Variants in ORC5 observed in about 807,000 individuals in gnomAD.
The protein encoded by ORC5 is origin recognition complex subunit 5.
Under a neutral mutation model 58.8 loss-of-function variants are expected in ORC5, and 39 were observed. The ratio of observed to expected loss-of-function variants is 0.66; its 90% confidence interval spans 0.51 to 0.87. The LOEUF is 0.87. Among genes scored for constraint, ORC5 ranks in the 40% least tolerant of loss-of-function variants. ORC5 has a pLI of 0.00. For synonymous variants in ORC5, 218 were observed against 177.6 expected, an observed-to-expected ratio of 1.23 and a Z score of -1.81; for missense variants, 493 against 506.3, an observed-to-expected ratio of 0.97 and a Z score of 0.25.
intron 12 of ORC5, among the ~76,000 whole-genome samples, chr7:104,145,108 A>G (rs541815896): frequency 6.6e-6 from 1 of 152,326 alleles, no homozygotes; most frequent in South Asian, 2.1e-4. Context: ...ATTGCTGAAA[A>G]CCAAGATAAG....
At chr7:104,169,443 T>C (rs1348097063) in intron 8 of ORC5, among the ~76,000 whole-genome samples, 1 of 152,082 alleles carries the variant, frequency 6.6e-6, no homozygotes, top group East Asian at 1.9e-4. Flanking sequence ...CAACACACTA[T>C]AGTATAATGA....
intron 8 of ORC5, among the ~76,000 whole-genome samples, chr7:104,178,621 A>G (rs951161863): frequency 1.3e-5 from 2 of 152,092 alleles, no homozygotes; most frequent in African/African-American, 2.4e-5. Flanking sequence ...TGTTTTATTC[A>G]TGAAGTCTGT....
Position 104,161,890 on chromosome 7 carries a change from T to C in ORC5, c.1039-708A>G, listed in dbSNP as rs754786630. 3.8e-4 allele frequency among the ~76,000 whole-genome samples: 58 copies of C among 152,240 alleles called. 2 individuals are homozygous for C. The highest frequency in any genetic ancestry group is 1.3e-4 in the Admixed American group (2 of 15,286). On this transcript the variant is annotated intron_variant, in intron 11 of 13. Coordinates refer to ENST00000297431, the MANE Select transcript of ORC5 (RefSeq NM_002553.4). ...AAGTTGTAGACTAGAGCTTACTACT[T>C]ATTTCTCACAATTCCTCTTTGTACC... is the stretch of plus-strand genomic sequence containing the variant.
At chr7:104,128,200 G>A (rs890401230) in intron 13 of ORC5, among the ~76,000 whole-genome samples, 4 of 152,122 alleles carry the variant, frequency 2.6e-5, no homozygotes, top group Non-Finnish European at 5.9e-5. Context: ...TCGGCTCACT[G>A]CAACCTCCAC....
intron 9 of ORC5, 80 bp from the exon 10 acceptor site, chr7:104,166,964 T>C (rs1799117682): frequency 1.3e-6 from 1 of 771,574 alleles, no homozygotes; most frequent in African/African-American, 1.7e-5. Flanking sequence ...TGACTTTTCA[T>C]TTCCATATGG....
chr7:104,136,970 C>CTAT lies in ORC5; in HGVS notation c.1150-78_1150-77insATA. 1.0e-6 allele frequency: 1 copy of CTAT among 996,262 alleles called. No homozygotes were observed. The highest frequency in any genetic ancestry group is 1.6e-6 in the Non-Finnish European group (1 of 636,432). The allele number at this position is 996,262 out of a possible 1,614,324, so 61.7% of individuals were successfully genotyped here. A position where few individuals can be genotyped will look rare whatever the true frequency, so the allele number is the denominator to read the frequency against. On this transcript the variant is annotated intron_variant, in intron 12 of 13. Coordinates refer to ENST00000297431, the MANE Select transcript of ORC5 (RefSeq NM_002553.4). This position sits in a 1 kb window ranked among gnomAD's most constrained non-coding sequence, Gnocchi z 4.2. Reference sequence around the variant, plus strand: ...TTTTGTTTCTGAAACATCTTATAGTCTGATAAAGATACATAACTGAATCAC... The same window carrying CTAT: ...TTTTGTTTCTGAAACATCTTATAGTCTATTGATAAAGATACATAACTGAATCAC...
chr7:104,178,529 T>TA (rs1366483816), intron 8 of ORC5, among the ~76,000 whole-genome samples: 1 of 152,196 alleles, frequency 6.6e-6, no homozygotes, highest in Non-Finnish European at 1.5e-5. Flanking sequence ...ATTCTGATGA[T>TA]AGTTTCCTTT....
chr7:104,154,051 G>T (rs544424493), intron 12 of ORC5, among the ~76,000 whole-genome samples: 1 of 152,090 alleles, frequency 6.6e-6, no homozygotes, highest in African/African-American at 2.4e-5. Flanking sequence ...TTGAAATAAT[G>T]TATATTAAAA....
intron 8 of ORC5, among the ~76,000 whole-genome samples, chr7:104,169,683 G>C (rs1799175670): frequency 6.6e-6 from 1 of 152,292 alleles, no homozygotes; most frequent in Middle Eastern, 3.4e-3. Context: ...ATAAGGATGA[G>C]TGTGGGCCTT....
chr7:104,136,029 A>C lies in ORC5; in HGVS notation c.1262+752T>G, dbSNP rs552546285. Reference sequence around the variant, plus strand: ...TTTGAACATTTTCCATAACACTAAGAACACCTCTTTGTAAGGAAACTTGTA... The same window carrying C: ...TTTGAACATTTTCCATAACACTAAGCACACCTCTTTGTAAGGAAACTTGTA... On this transcript the variant is annotated intron_variant, in intron 13 of 13. Coordinates refer to ENST00000297431, the MANE Select transcript of ORC5 (RefSeq NM_002553.4). This position sits in a 1 kb window ranked among gnomAD's most constrained non-coding sequence, Gnocchi z 4.2. Among the ~76,000 whole-genome samples, 1 of 152,158 alleles carries C rather than the reference A, an allele frequency of 6.6e-6. No individual in the cohort carries two copies. The highest frequency in any genetic ancestry group is 1.5e-5 in the Non-Finnish European group (1 of 68,038).
At chr7:104,155,397 C>T (rs1798907861) in intron 12 of ORC5, among the ~76,000 whole-genome samples, 2 of 151,662 alleles carry the variant, frequency 1.3e-5, no homozygotes, top group South Asian at 4.1e-4. Flanking sequence ...AAAAATCCAA[C>T]TTGTCAATAT....
At chr7:104,139,997 G>A (rs889086782) in intron 12 of ORC5, among the ~76,000 whole-genome samples, 2 of 151,880 alleles carry the variant, frequency 1.3e-5, no homozygotes, top group Non-Finnish European at 2.9e-5. Flanking sequence ...ATTACGTTTT[G>A]TTGACAAACC....
In ORC5 at chr7:104,161,007, C is replaced by T. The variant is rs966375229; in HGVS notation, c.1149+65G>A. The T allele has an allele frequency of 1.9e-5, 17 of 882,242 alleles. No homozygotes were observed. In the Admixed American group the frequency reaches 2.6e-4, roughly 14 times the overall value. The allele number at this position is 882,242 out of a possible 1,614,324, so 54.7% of individuals were successfully genotyped here. ...AACAAAAATCTGAATGCCTGGAATT[C>T]TATTGACTCTACTATCTGAAGAATC... On this transcript the variant is annotated intron_variant, in intron 12 of 13. Transcript: ENST00000297431.
chr7:104,207,927 G>T lies in ORC5; in HGVS notation c.-23C>A, dbSNP rs200777403. On this transcript the variant is annotated 5_prime_UTR_variant, in exon 1 of 14. Transcript: ENST00000297431. ...CATTCTGGCAGGCACCACCGCAGAG[G>T]CCAGTGCAGCCAGCCCACAGGACCC... The T allele has an allele frequency of 8.1e-6, 13 of 1,608,830 alleles. No individual in the cohort carries two copies. The highest frequency in any genetic ancestry group is 1.1e-5 in the Non-Finnish European group (13 of 1,175,230).
intron 1 of ORC5, among the ~76,000 whole-genome samples, chr7:104,204,999 A>T (rs10245622): frequency 0.11 from 16,504 of 151,914 alleles, 1,560 homozygotes; most frequent in African/African-American, 0.26. Flanking sequence ...AGAACAAATA[A>T]CAGTAAAAGA....
At chr7:104,171,917 C>A (rs1033937774) in intron 8 of ORC5, among the ~76,000 whole-genome samples, 2 of 152,174 alleles carry the variant, frequency 1.3e-5, no homozygotes, top group African/African-American at 4.8e-5. Context: ...GTGCTCTAAT[C>A]CTTCCAGCCT....
chr7:104,201,942 T>C (rs1034923546), intron 2 of ORC5, among the ~76,000 whole-genome samples: 2 of 151,748 alleles, frequency 1.3e-5, no homozygotes, highest in African/African-American at 2.4e-5. Flanking sequence ...TAAAAAAAAT[T>C]AGACAGGCCT....
intron 8 of ORC5, among the ~76,000 whole-genome samples, chr7:104,180,332 A>AAAAT (rs1799407761): frequency 6.6e-6 from 1 of 151,828 alleles, no homozygotes; most frequent in Non-Finnish European, 1.5e-5. Context: ...GCATTTTATC[A>AAAAT]AGATAACTTT....
chr7:104,187,750 A>ATT (rs1799580137), intron 6 of ORC5: 5 of 972,922 alleles, frequency 5.1e-6, no homozygotes, highest in Non-Finnish European at 6.1e-6. Context: ...AACCATCTAT[A>ATT]CAAAGATTAC....
Sources: allele counts gnomAD v4.1 joint callset (sites outside exome capture counted in the v4.1 genomes callset), GRCh38; gene constraint gnomAD v4.1.1; non-coding constraint Gnocchi (gnomAD v3.1); transcripts MANE v1.5; gene names NCBI Gene and HGNC (gene_info 2026-07-23, HGNC 2026-07-21).